Variants in CSMD1 observed in about 807,000 individuals in gnomAD.
The protein encoded by CSMD1 is CUB and sushi domain-containing protein 1.
CSMD1 carries 213 observed loss-of-function variants against 417.5 expected under a neutral mutation model. That is an observed-to-expected ratio of 0.51 (90% CI 0.46 to 0.57). CSMD1 has a LOEUF of 0.57. Ranked by LOEUF, CSMD1 falls within the 20% of genes least tolerant of loss-of-function variation. The pLI is 0.00. For missense variants in CSMD1, 6,923 were observed against 4,529.7 expected, an observed-to-expected ratio of 1.53 and a Z score of -15.17; for synonymous variants, 2,862 against 1,736.8, an observed-to-expected ratio of 1.65 and a Z score of -16.11.
At chr8:4,333,792 G>A (rs767481437) in intron 3 of CSMD1, among the ~76,000 whole-genome samples, 3 of 152,092 alleles carry the variant, frequency 2.0e-5, no homozygotes, top group Non-Finnish European at 4.4e-5. Flanking sequence ...TCTGCCCCTG[G>A]AAACACATTG....
chr8:3,943,285 A>T (rs907732303), intron 5 of CSMD1, among the ~76,000 whole-genome samples: 1 of 152,010 alleles, frequency 6.6e-6, no homozygotes, highest in African/African-American at 2.4e-5. Context: ...GTGTATGCAA[A>T]GCACTTTATC....
At chr8:3,762,428 TACCC>T (rs1798057869) in intron 5 of CSMD1, among the ~76,000 whole-genome samples, 1 of 152,214 alleles carries the variant, frequency 6.6e-6, no homozygotes, top group African/African-American at 2.4e-5. Flanking sequence ...ACGCCAGACT[TACCC>T]TTTGCAGACA....
chr8:3,376,614 T>G (rs1026228035), intron 18 of CSMD1, among the ~76,000 whole-genome samples: 3 of 152,068 alleles, frequency 2.0e-5, no homozygotes, highest in East Asian at 1.9e-4. Context: ...TAAAAAAAAT[T>G]TCAAAGTTTT....
intron 68 of CSMD1, among the ~76,000 whole-genome samples, chr8:2,948,200 A>G (rs1352552823): frequency 6.6e-6 from 1 of 152,126 alleles, no homozygotes; most frequent in African/African-American, 2.4e-5. Context: ...CAACAATTAT[A>G]ACGACTTTTG....
intron 2 of CSMD1, among the ~76,000 whole-genome samples, chr8:4,446,731 GT>G (rs1563183142): frequency 2.9e-5 from 4 of 136,002 alleles, no homozygotes; most frequent in Non-Finnish European, 4.7e-5. Context: ...GTGTGTGTGT[GT>G]CTGTGTGTGT....
chr8:4,177,080 C>G (rs898850278), intron 3 of CSMD1, among the ~76,000 whole-genome samples: 5 of 152,150 alleles, frequency 3.3e-5, no homozygotes, highest in Admixed American at 6.6e-5. Flanking sequence ...CCAAGCGGAC[C>G]TAATAGACAT....
intron 37 of CSMD1, 53 bp downstream of exon 37, chr8:3,181,057 A>G: frequency 8.9e-7 from 1 of 1,119,398 alleles, no homozygotes; most frequent in South Asian, 1.3e-5. Flanking sequence ...TTTTCTTTAA[A>G]AAAATGACTC....
intron 57 of CSMD1, among the ~76,000 whole-genome samples, chr8:2,969,469 T>C (rs1804247557): frequency 6.6e-6 from 1 of 152,208 alleles, no homozygotes; most frequent in Admixed American, 6.5e-5. Flanking sequence ...AGGAAATATA[T>C]CTGCAATATA....
At chr8:4,527,219 T>G (rs1453567610) in intron 2 of CSMD1, among the ~76,000 whole-genome samples, 1 of 152,170 alleles carries the variant, frequency 6.6e-6, no homozygotes, top group Non-Finnish European at 1.5e-5. Context: ...TTTTGGCCAG[T>G]TGGGTTGCTG....
At chr8:3,817,649 T>A (rs1486999519) in intron 5 of CSMD1, among the ~76,000 whole-genome samples, 1 of 152,130 alleles carries the variant, frequency 6.6e-6, no homozygotes, top group Non-Finnish European at 1.5e-5. Flanking sequence ...AACACTCCCA[T>A]GTTAAAAACT....
chr8:3,976,829 A>T (rs1294438831), intron 5 of CSMD1, among the ~76,000 whole-genome samples: 1 of 152,090 alleles, frequency 6.6e-6, no homozygotes, highest in African/African-American at 2.4e-5. Context: ...CTGTGACCTC[A>T]ACCACTGCAC....
intron 10 of CSMD1, among the ~76,000 whole-genome samples, chr8:3,520,039 T>TATATATATATACACACACAC (rs545212684): frequency 2.0e-5 from 3 of 147,184 alleles, no homozygotes; most frequent in African/African-American, 7.7e-5. Flanking sequence ...TATATATATA[T>TATATATATATACACACACAC]ACACGTATAG....
chr8:4,182,744 C>A (rs545873858), intron 3 of CSMD1, among the ~76,000 whole-genome samples: 1 of 151,610 alleles, frequency 6.6e-6, no homozygotes, highest in East Asian at 1.9e-4. Context: ...AATGGAACAT[C>A]ATTTTTTTTT....
intron 1 of CSMD1, among the ~76,000 whole-genome samples, chr8:4,659,590 T>C (rs1804454575): frequency 6.6e-6 from 1 of 152,042 alleles, no homozygotes; most frequent in South Asian, 2.1e-4. Context: ...AAGAGTTATA[T>C]CCATAGACAC....
At chr8:3,889,187 G>A (rs928477538) in intron 5 of CSMD1, among the ~76,000 whole-genome samples, 7 of 151,352 alleles carry the variant, frequency 4.6e-5, no homozygotes, top group African/African-American at 1.2e-4. Context: ...TGCAAGATTC[G>A]AACAAGACTA....
chr8:3,966,793 T>C (rs1289220231), intron 5 of CSMD1, among the ~76,000 whole-genome samples: 1 of 151,966 alleles, frequency 6.6e-6, no homozygotes, highest in Non-Finnish European at 1.5e-5. Flanking sequence ...AGGTCTTAGA[T>C]TAAATCCCAA....
intron 1 of CSMD1, among the ~76,000 whole-genome samples, chr8:4,813,476 A>C (rs1220370608): frequency 6.6e-6 from 1 of 152,218 alleles, no homozygotes; most frequent in Non-Finnish European, 1.5e-5. Flanking sequence ...GTATCAAAAA[A>C]TAAATATCAG....
At chr8:4,465,249 C>T (rs1042996740) in intron 2 of CSMD1, among the ~76,000 whole-genome samples, 2 of 152,134 alleles carry the variant, frequency 1.3e-5, no homozygotes, top group African/African-American at 4.8e-5. Context: ...GTATGTGTCT[C>T]TTTCATCTTT....
intron 2 of CSMD1, among the ~76,000 whole-genome samples, chr8:4,452,666 T>G (rs1799220663): frequency 6.6e-6 from 1 of 151,526 alleles, no homozygotes; most frequent in Admixed American, 6.6e-5. Context: ...ACATTGCATA[T>G]TTTCTCCAGA....
Sources: allele counts gnomAD v4.1 joint callset (sites outside exome capture counted in the v4.1 genomes callset), GRCh38; gene constraint gnomAD v4.1.1; transcripts MANE v1.5; gene names NCBI Gene and HGNC (gene_info 2026-07-23, HGNC 2026-07-21).